Variants in ARSG observed in about 807,000 individuals in gnomAD.
ARSG encodes the protein ASG.
Under a neutral mutation model 50.5 loss-of-function variants are expected in ARSG, and 37 were observed. The observed-to-expected ratio is 0.73, with a 90% CI of 0.56 to 0.96. ARSG has a LOEUF of 0.96. ARSG is among the 50% of genes least tolerant of loss of function. The probability of loss-of-function intolerance (pLI) is 0.00; values close to 1 mark genes in which losing one functional copy is unlikely to be tolerated. For synonymous variants in ARSG, 225 were observed against 254.6 expected (o/e 0.88, Z 1.11); for missense variants, 629 against 675.3 (o/e 0.93, Z 0.76).
rs1301387565 is a variant in ARSG, at chr17:68,367,683, C to T, written c.705-865C>T. On this transcript the variant is annotated intron_variant, in intron 6 of 11. Transcript: ENST00000621439. The surrounding 1 kb of genome is among the most constrained non-coding windows in gnomAD (Gnocchi z 4.5). Reference sequence around the variant, plus strand: ...TACAGAGGCAGCCGAACAACAAGGCCTCTGACAGATCCCTGATCTAGATGT... The same window carrying T: ...TACAGAGGCAGCCGAACAACAAGGCTTCTGACAGATCCCTGATCTAGATGT... Among the ~76,000 whole-genome samples the T allele has an allele frequency of 6.6e-6, 1 of 152,182 alleles. No homozygotes were observed.
rs75857472 is a variant in ARSG at position 68,373,687 on chromosome 17, T to C, written c.982+3163T>C. On this transcript the variant is annotated intron_variant, in intron 8 of 11. Coordinates refer to ENST00000621439, the MANE Select transcript of ARSG (RefSeq NM_001267727.2). ...CCACTAACCTTTTCAGTGACCAGAT[T>C]ATTTTATCTCTTGGAGTATTGGTGT... Among the ~76,000 whole-genome samples the C allele has an allele frequency of 6.4e-3, 976 of 152,250 alleles. 7 individuals are homozygous for C. The highest frequency in any genetic ancestry group is 9.1e-3 in the Non-Finnish European group (620 of 68,014).
At chr17:68,449,511 G>A in the ARSG span, among the ~76,000 whole-genome samples, 73,491 of 152,100 alleles carry the variant, frequency 0.48, 18,159 homozygotes, top group African/African-American at 0.55. Context: ...GTAATCTTCA[G>A]TGTTGGAGGA....
At chr17:68,298,943 A>G (rs1313640134) in intron 1 of ARSG, among the ~76,000 whole-genome samples, 1 of 152,162 alleles carries the variant, frequency 6.6e-6, no homozygotes, top group Non-Finnish European at 1.5e-5. Context: ...GGGGCACACA[A>G]ACTTTTAGTT....
the ARSG span, among the ~76,000 whole-genome samples, chr17:68,446,750 C>T: frequency 6.6e-6 from 1 of 152,214 alleles, no homozygotes; most frequent in East Asian, 1.9e-4. Context: ...GGGGCCTTGA[C>T]ATATGCCTCT....
At chr17:68,354,957 A>AT (rs1289940138) in intron 5 of ARSG, among the ~76,000 whole-genome samples, 17 of 152,182 alleles carry the variant, frequency 1.1e-4, no homozygotes, top group African/African-American at 4.1e-4. Flanking sequence ...GTGTGTGTGC[A>AT]TGTAGGTGTG....
chr17:68,390,579 C>T (rs938483719), intron 9 of ARSG, among the ~76,000 whole-genome samples: 1 of 152,064 alleles, frequency 6.6e-6, no homozygotes, highest in Non-Finnish European at 1.5e-5. Context: ...CTGGGAACCA[C>T]TTCTCCATCA....
chr17:68,402,715 C>T (rs1226227780), intron 11 of ARSG, among the ~76,000 whole-genome samples: 2 of 152,068 alleles, frequency 1.3e-5, no homozygotes, highest in Admixed American at 6.6e-5. Flanking sequence ...TTAGTAGAGA[C>T]AGGGTTTCAC....
At chr17:68,291,873 G>A (rs2076008915) in intron 1 of ARSG, among the ~76,000 whole-genome samples, 1 of 151,866 alleles carries the variant, frequency 6.6e-6, no homozygotes. Context: ...TAGCGGCGAG[G>A]GGGAACACGC....
chr17:68,450,686 G>A, the ARSG span: 1,003 of 1,564,280 alleles, frequency 6.4e-4, 4 homozygotes, highest in African/African-American at 0.012. Context: ...TTTGGCTCCC[G>A]TTAGCAGAAG....
chr17:68,371,764 A>G (rs962789544), intron 8 of ARSG, among the ~76,000 whole-genome samples: 4 of 152,242 alleles, frequency 2.6e-5, no homozygotes, highest in Non-Finnish European at 5.9e-5. Flanking sequence ...TAGTGCTTAA[A>G]GAAATTATTA....
chr17:68,408,772 C>A (rs950989413), intron 11 of ARSG, among the ~76,000 whole-genome samples: 59 of 151,320 alleles, frequency 3.9e-4, no homozygotes, highest in African/African-American at 1.3e-3. Context: ...TTCTCCACAT[C>A]CTCTCCAGCA....
At chr17:68,301,468 C>T (rs1435709106) in intron 1 of ARSG, among the ~76,000 whole-genome samples, 3 of 152,154 alleles carry the variant, frequency 2.0e-5, no homozygotes, top group East Asian at 1.9e-4. Context: ...GGTGGCTACC[C>T]GAGCAGAAGG....
chr17:68,432,989 G>T, the ARSG span, among the ~76,000 whole-genome samples: 1 of 152,210 alleles, frequency 6.6e-6, no homozygotes, highest in Non-Finnish European at 1.5e-5. Flanking sequence ...TTTTCAGACA[G>T]CTTCTTAAGC....
chr17:68,449,625 G>C, the ARSG span, among the ~76,000 whole-genome samples: 1 of 152,154 alleles, frequency 6.6e-6, no homozygotes, highest in Admixed American at 6.6e-5. Context: ...CCCCCCACCC[G>C]TCTCTTGGTC....
At chr17:68,340,957 T>C (rs1568489307) in intron 2 of ARSG, among the ~76,000 whole-genome samples, 1 of 152,164 alleles carries the variant, frequency 6.6e-6, no homozygotes, top group Non-Finnish European at 1.5e-5. Flanking sequence ...ATCTTTACCT[T>C]TTACCCTGGA....
At chr17:68,270,747 G>T in intron 1 of ARSG, 1 of 1,082,022 alleles carries the variant, frequency 9.2e-7, no homozygotes, top group Non-Finnish European at 1.3e-6. Context: ...AATATAAAAC[G>T]GCAGTAAGTT....
At chr17:68,361,811 A>C (rs1253744778) in intron 6 of ARSG, among the ~76,000 whole-genome samples, 2 of 152,050 alleles carry the variant, frequency 1.3e-5, no homozygotes, top group Non-Finnish European at 2.9e-5. Context: ...CAGCTACTTG[A>C]GAGGCTGAGG....
chr17:68,374,374 G>C (rs1030919225), intron 8 of ARSG, among the ~76,000 whole-genome samples: 11 of 152,160 alleles, frequency 7.2e-5, no homozygotes, highest in African/African-American at 2.4e-4. Context: ...GGAGACCATG[G>C]ATGCAGGGGG....
At chr17:68,388,886 C>T (rs113271622) in intron 9 of ARSG, among the ~76,000 whole-genome samples, 24,109 of 146,756 alleles carry the variant, frequency 0.16, 3,880 homozygotes, top group African/African-American at 0.4. Flanking sequence ...GATCGCACCA[C>T]TGCATTCCAG....
Sources: gnomAD v4.1 joint callset for allele counts (sites outside exome capture counted in the v4.1 genomes callset) on GRCh38, gnomAD v4.1.1 for gene constraint, Gnocchi (gnomAD v3.1) non-coding constraint, MANE v1.5 for transcripts, NCBI Gene and HGNC (gene_info 2026-07-23, HGNC 2026-07-21) for gene names.